OAS2: variants seen among roughly 807,000 people sequenced by gnomAD.
OAS2 encodes 2'-5'-oligoadenylate synthase 2.
OAS2 carries 67 observed loss-of-function variants against 71.3 expected under a neutral mutation model. The ratio of observed to expected loss-of-function variants is 0.94; its 90% CI spans 0.77 to 1.15. The LOEUF (loss-of-function observed/expected upper bound fraction) is 1.15, where lower values mean the gene tolerates loss of function less well. Ranked by LOEUF, OAS2 falls within the 50% of genes most tolerant of loss-of-function variation. The pLI is 0.00. For synonymous variants in OAS2, 327 were observed against 321.8 expected, an observed-to-expected ratio of 1.02 and a Z score of -0.17; for missense variants, 789 against 822.5, an observed-to-expected ratio of 0.96 and a Z score of 0.50.
intron 5 of OAS2, among the ~76,000 whole-genome samples, chr12:113,002,417 G>A (rs1165974105): frequency 6.6e-6 from 1 of 152,232 alleles, no homozygotes; most frequent in Non-Finnish European, 1.5e-5. Flanking sequence ...AAGCCACCTA[G>A]TTGTGGTCAC....
intron 6 of OAS2, 100 bp downstream of exon 6, chr12:113,003,202 C>T: frequency 3.1e-6 from 4 of 1,274,518 alleles, no homozygotes; most frequent in African/African-American, 1.5e-5. Context: ...GATCCATCTA[C>T]CTTCAGAAAC....
intron 1 of OAS2, 100 bp from the exon 2 acceptor site, chr12:112,986,938 A>G (rs1028923888): frequency 6.8e-7 from 1 of 1,480,056 alleles, no homozygotes; most frequent in Admixed American, 2.2e-5. Flanking sequence ...TGTTAAGACC[A>G]TTTTTGGCTT....
chr12:112,999,645 T>C (rs564900528), intron 5 of OAS2, among the ~76,000 whole-genome samples: 37 of 152,226 alleles, frequency 2.4e-4, no homozygotes, highest in Non-Finnish European at 3.8e-4. Context: ...GTCACCCCTG[T>C]GCCCACCCTA....
chr12:112,979,737 C>G (rs149140088), intron 1 of OAS2, among the ~76,000 whole-genome samples: 2 of 152,174 alleles, frequency 1.3e-5, no homozygotes, highest in African/African-American at 2.4e-5. Context: ...ACAAAACATT[C>G]TCAGCCCCCC....
chr12:112,997,552 G>A lies in OAS2; in HGVS notation c.660G>A (p.Leu220=), dbSNP rs147791836. The stretch of plus-strand genomic sequence containing the variant: ...AAAAAATCAAGGATTTACCCTCGCT[G>A]TCTCCGTATGCCCTGGAGCTGCTTA... ...CQKKIKDLPS[L]SPYALELLTV... is the part of the protein sequence containing the mutation. The change falls in exon 4 of 10, where the codon CTG becomes CTA. Residue 220 remains leucine, a synonymous_variant. Transcript: ENST00000392583. 8.4e-5 allele frequency: 135 copies of A among 1,613,888 alleles called. No homozygotes were observed. The highest frequency in any genetic ancestry group is 1.1e-4 in the Non-Finnish European group (133 of 1,179,960).
At chr12:112,987,354 G>A in intron 2 of OAS2, 46 bp downstream of exon 2, 1 of 1,609,656 alleles carries the variant, frequency 6.2e-7, no homozygotes, top group Non-Finnish European at 8.5e-7. Context: ...AGAAGCGGGT[G>A]CCAGACAGCT....
At chr12:112,988,342 C>A in intron 2 of OAS2, 2 of 497,546 alleles carry the variant, frequency 4.0e-6, no homozygotes, top group Non-Finnish European at 5.2e-6. Context: ...TGAACACAGC[C>A]ACGTGGTGGA....
At chr12:112,998,239 C>CT (rs761879500) in intron 4 of OAS2, 27 bp from the exon 5 acceptor site, 3 of 1,603,078 alleles carry the variant, frequency 1.9e-6, no homozygotes, top group South Asian at 2.2e-5. Context: ...GCTCAACTGA[C>CT]TTTTTTTAAT....
chr12:112,997,538 G>A lies in OAS2; in HGVS notation c.646G>A (p.Asp216Asn), dbSNP rs755665496. ...WHQQCQKKIK[D>N]LPSLSPYALE... is the part of the protein sequence containing the mutation. ...CCCACAGTGCCAGAAAAAAATCAAG[G>A]ATTTACCCTCGCTGTCTCCGTATGC... Residue 216 changes from aspartate to asparagine, a missense_variant, in exon 4 of 10, where the codon GAT (aspartate) becomes AAT (asparagine). Asp to Asn is a conservative substitution (Grantham distance 23, BLOSUM62 1). Coordinates refer to ENST00000392583, the MANE Select transcript of OAS2 (RefSeq NM_002535.3). 6.2e-7 allele frequency: 1 copy of A among 1,613,878 alleles called. No homozygotes were observed. Among genetic ancestry groups the A allele is most frequent in the Non-Finnish European group, 8.5e-7 (1 of 1,179,884 alleles).
At chr12:112,986,554 G>C (rs1171406114) in intron 1 of OAS2, among the ~76,000 whole-genome samples, 1 of 152,214 alleles carries the variant, frequency 6.6e-6, no homozygotes, top group Admixed American at 6.5e-5. Context: ...GATGGTGTGT[G>C]CCTGTGCTGC....
intron 3 of OAS2, among the ~76,000 whole-genome samples, chr12:112,995,685 C>T (rs1022425456): frequency 1.2e-4 from 18 of 152,116 alleles, no homozygotes; most frequent in African/African-American, 4.1e-4. Flanking sequence ...CCAAACAAAC[C>T]CCTATTCTAA....
chr12:113,006,447 G>A lies in OAS2; in HGVS notation c.1503G>A (p.Glu501=). The change falls in exon 8 of 10, where the codon GAG becomes GAA. Residue 501 remains glutamate, a synonymous_variant. Transcript: ENST00000392583. ...QLSSGSTPSP[E]VYAGLIDLYK... ...GTTCTGGCTCCACACCCAGCCCCGA[G>A]GTTTATGCAGGGCTCATTGATCTGT... 6.3e-7 allele frequency: 1 copy of A among 1,583,710 alleles called. No individual in the cohort carries two copies. The highest frequency in any genetic ancestry group is 8.6e-7 in the Non-Finnish European group (1 of 1,156,996).
rs982486008 is a variant in OAS2 at position 113,010,321 on chromosome 12, A to C, written c.*1066A>C. On this transcript the variant is annotated 3_prime_UTR_variant, in exon 10 of 10. Coordinates refer to ENST00000392583, the MANE Select transcript of OAS2 (RefSeq NM_002535.3). Reference sequence around the variant, plus strand: ...TTTTTTCCCCTAACTCTTTTAAGCAATGATTGTAACTATTAGGAGACATTG... The same window carrying C: ...TTTTTTCCCCTAACTCTTTTAAGCACTGATTGTAACTATTAGGAGACATTG... The C allele has an allele frequency of 1.9e-6, 3 of 1,562,470 alleles. No homozygotes were observed. Among genetic ancestry groups the C allele is most frequent in the Non-Finnish European group, 2.6e-6 (3 of 1,156,634 alleles).
Position 113,010,352 on chromosome 12 carries a change from C to T in OAS2, c.*1097C>T, listed in dbSNP as rs200216867. ...GTAACTATTAGGAGACATTGCTCTC[C>T]CACGTATGTTTTTCTTTTTAGACAA... On this transcript the variant is annotated 3_prime_UTR_variant, in exon 10 of 10. Coordinates refer to ENST00000392583, the MANE Select transcript of OAS2 (RefSeq NM_002535.3). 502 of 1,607,788 alleles carry T rather than the reference C, an allele frequency of 3.1e-4. No individual in the cohort carries two copies. The highest frequency in any genetic ancestry group is 4.0e-4 in the Non-Finnish European group (471 of 1,178,056).
At chr12:112,998,919 AC>A (rs1043698178) in intron 5 of OAS2, among the ~76,000 whole-genome samples, 1 of 152,064 alleles carries the variant, frequency 6.6e-6, no homozygotes, top group Non-Finnish European at 1.5e-5. Context: ...GTAGGTTGGA[AC>A]CCCAGCATCT....
intron 5 of OAS2, among the ~76,000 whole-genome samples, chr12:112,998,731 A>G (rs115595636): frequency 0.016 from 2,511 of 152,258 alleles, 75 homozygotes; most frequent in African/African-American, 0.057. Context: ...CTGAGGTCAC[A>G]TGCCCTTCTC....
chr12:112,985,080 T>G (rs2044120967), intron 1 of OAS2, among the ~76,000 whole-genome samples: 1 of 152,242 alleles, frequency 6.6e-6, no homozygotes, highest in Non-Finnish European at 1.5e-5. Context: ...TTTTCAGAAT[T>G]ATATGTTTGT....
chr12:112,997,550 C>T lies in OAS2; in HGVS notation c.658C>T (p.Leu220=). The T allele has an allele frequency of 6.2e-7, 1 of 1,614,044 alleles. No individual in the cohort carries two copies. The highest frequency in any genetic ancestry group is 2.2e-5 in the East Asian group (1 of 44,882). Residue 220 remains leucine (L), a synonymous_variant, in exon 4 of 10, where the codon CTG becomes TTG. Transcript: ENST00000392583. The stretch of plus-strand genomic sequence containing the variant: ...GAAAAAAATCAAGGATTTACCCTCG[C>T]TGTCTCCGTATGCCCTGGAGCTGCT... ...CQKKIKDLPS[L]SPYALELLTV...
In OAS2 at chr12:113,009,484, G is replaced by A; in HGVS notation, c.*229G>A. 1 of 1,257,490 alleles carries A rather than the reference G, an allele frequency of 8.0e-7. No homozygotes were observed. 77.9% of individuals were successfully genotyped at this position (1,257,490 alleles called of 1,614,324 possible). A position where few individuals can be genotyped will look rare whatever the true frequency, so the allele number is the denominator to read the frequency against. On this transcript the variant is annotated 3_prime_UTR_variant, in exon 10 of 10. Coordinates refer to ENST00000392583, the MANE Select transcript of OAS2 (RefSeq NM_002535.3). ...CATCCCTAGTCTCTACCCAGTAGATGCCACTAGCCCTCCTCTCCCAGTGAC... is the reference window on the plus strand; with the variant it reads ...CATCCCTAGTCTCTACCCAGTAGATACCACTAGCCCTCCTCTCCCAGTGAC...
Sources: gnomAD v4.1 joint callset for allele counts (sites outside exome capture counted in the v4.1 genomes callset) on GRCh38, gnomAD v4.1.1 for gene constraint, MANE v1.5 for transcripts, NCBI Gene and HGNC (gene_info 2026-07-23, HGNC 2026-07-21) for gene names.